Variants in CCNT1 observed in about 807,000 individuals in gnomAD.
CCNT1 encodes the protein cyclin-T1.
Under a neutral mutation model 67.3 loss-of-function variants are expected in CCNT1, and 18 were observed. The ratio of observed to expected loss-of-function variants is 0.27; its 90% CI spans 0.18 to 0.40. The LOEUF is 0.40. CCNT1 is among the 10% of genes least tolerant of loss of function. The pLI, the probability that CCNT1 is intolerant of heterozygous loss-of-function variation, is 1.00. For missense variants in CCNT1, 744 were observed against 884.9 expected (o/e 0.84, Z 2.02); for synonymous variants, 333 against 310.3 (o/e 1.07, Z -0.77).
Position 48,693,769 on chromosome 12 carries a change from A to G in CCNT1, c.1445T>C (p.Met482Thr). 1 of 1,614,054 alleles carries G rather than the reference A, an allele frequency of 6.2e-7. No homozygotes were observed. The highest frequency in any genetic ancestry group is 8.5e-7 in the Non-Finnish European group (1 of 1,180,030). Reference protein sequence around the residue: ...AASSKPEEIKMRIKVHAAADK... With the variant: ...AASSKPEEIKTRIKVHAAADK... ...AGCTGCAGCATGGACTTTTATGCGC[A>G]TTTTTATCTCCTCTGGTTTTGAAGA... Residue 482 changes from methionine to threonine, a missense_variant, in exon 9 of 9, where the codon ATG becomes ACG. Met to Thr is a moderately conservative substitution (Grantham distance 81, BLOSUM62 -1). Transcript: ENST00000261900.
At chr12:48,705,920 T>C (rs765647631) in intron 2 of CCNT1, 24 bp from the exon 3 acceptor site, 24 of 1,596,194 alleles carry the variant, frequency 1.5e-5, no homozygotes, top group Non-Finnish European at 2.0e-5. Flanking sequence ...AAATAAATCA[T>C]ATTTATTATC....
At chr12:48,698,287 G>A in intron 5 of CCNT1, 104 bp from the exon 6 acceptor site, 1 of 763,310 alleles carries the variant, frequency 1.3e-6, no homozygotes, top group East Asian at 2.7e-5. Context: ...GCAAGGTACT[G>A]TGAATATAGT....
At position 48,693,818 on chromosome 12, in the gene CCNT1, C is replaced by T; in HGVS notation, c.1396G>A (p.Val466Met). ...GACGCAGCTTTATCTCCACCTGCCA[C>T]TGGGATTCTCATTTTGAGAGCTGTT... ...DKTALKMRIP[V>M]AGGDKAASSK... The change falls in exon 9 of 9, where the codon GTG becomes ATG. Residue 466 changes from valine (V) to methionine (M), a missense_variant. By Grantham distance (21) the Val-to-Met change is conservative (BLOSUM62 1). Around this residue, in one of 3 missense-constraint regions of CCNT1, gnomAD observed 564 missense variants for 574.2 expected, o/e 0.98. Transcript: ENST00000261900. The T allele has an allele frequency of 6.2e-7, 1 of 1,614,168 alleles. No homozygotes were observed.
At chr12:48,701,444 T>G (rs1381313111) in intron 3 of CCNT1, among the ~76,000 whole-genome samples, 2 of 151,702 alleles carry the variant, frequency 1.3e-5, no homozygotes, top group Non-Finnish European at 2.9e-5. Flanking sequence ...GTACACATTT[T>G]CTTTAAAAAA....
intron 6 of CCNT1, among the ~76,000 whole-genome samples, chr12:48,697,773 T>G (rs1291349406): frequency 6.9e-6 from 1 of 145,380 alleles, no homozygotes; most frequent in Non-Finnish European, 1.5e-5. Context: ...GAGCTGATAT[T>G]GTGCCACTGC....
chr12:48,700,263 G>A (rs1940243114), intron 4 of CCNT1, among the ~76,000 whole-genome samples: 1 of 148,762 alleles, frequency 6.7e-6, no homozygotes, highest in Non-Finnish European at 1.5e-5. Context: ...AGGTTGCAAT[G>A]AGCCAAGATT....
At chr12:48,695,708 C>A (rs1333316653) in intron 8 of CCNT1, 51 bp downstream of exon 8, 2 of 1,213,410 alleles carry the variant, frequency 1.6e-6, no homozygotes, top group Non-Finnish European at 2.4e-6. Context: ...TTCACTGGTG[C>A]AGTCAAAAGA....
chr12:48,693,546 A>T lies in CCNT1; in HGVS notation c.1668T>A (p.His556Gln). 1 of 1,614,106 alleles carries T rather than the reference A, an allele frequency of 6.2e-7. No homozygotes were observed. The change falls in exon 9 of 9, where the codon CAT becomes CAA. Residue 556 changes from histidine (H) to glutamine (Q), a missense_variant. Around this residue, in one of 3 missense-constraint regions of CCNT1, gnomAD observed 564 missense variants for 574.2 expected, o/e 0.98. Coordinates refer to ENST00000261900, the MANE Select transcript of CCNT1 (RefSeq NM_001240.4). ...AAGAACTAGACAAGCTATAGGTTTT[A>T]TGTGCTAAGTTGCTTGTCTGGCTAC... is the stretch of plus-strand genomic sequence containing the variant. ...KHSSQTSNLA[H>Q]KTYSLSSSFS...
chr12:48,708,787 A>G (rs952592020), intron 2 of CCNT1, among the ~76,000 whole-genome samples: 7 of 152,198 alleles, frequency 4.6e-5, no homozygotes, highest in Non-Finnish European at 8.8e-5. Flanking sequence ...AGGAGAGGGA[A>G]AAAATGGTAA....
Position 48,693,745 on chromosome 12 carries a change from G to A in CCNT1, c.1469C>T (p.Ala490Val), listed in dbSNP as rs558225201. ...IKMRIKVHAA[A>V]DKHNSVEDSV... is the part of the protein sequence containing the mutation. The stretch of plus-strand genomic sequence containing the variant: ...GTCCTCTACAGAATTGTGCTTATCA[G>A]CTGCAGCATGGACTTTTATGCGCAT... The change falls in exon 9 of 9, where the codon GCT (alanine) becomes GTT (valine). Residue 490 changes from alanine (A) to valine (V), a missense_variant. By Grantham distance (64) the Ala-to-Val change is moderately conservative (BLOSUM62 0). Around this residue, in one of 3 missense-constraint regions of CCNT1, gnomAD observed 564 missense variants for 574.2 expected, o/e 0.98. Coordinates refer to ENST00000261900, the MANE Select transcript of CCNT1 (RefSeq NM_001240.4). The A allele has an allele frequency of 1.9e-6, 3 of 1,614,114 alleles. No individual in the cohort carries two copies. In the East Asian group the frequency reaches 6.7e-5, roughly 36 times the overall value.
At chr12:48,702,047 C>T (rs1940279440) in intron 3 of CCNT1, among the ~76,000 whole-genome samples, 1 of 151,976 alleles carries the variant, frequency 6.6e-6, no homozygotes, top group African/African-American at 2.4e-5. Flanking sequence ...CAGGAGCCCA[C>T]CACCACGCCC....
intron 3 of CCNT1, among the ~76,000 whole-genome samples, chr12:48,703,436 A>G (rs937803439): frequency 6.6e-6 from 1 of 151,890 alleles, no homozygotes; most frequent in African/African-American, 2.4e-5. Flanking sequence ...AGCCGGGTGT[A>G]GTGGCACATG....
intron 5 of CCNT1, among the ~76,000 whole-genome samples, chr12:48,699,052 A>T (rs1940225701): frequency 6.6e-6 from 1 of 152,208 alleles, no homozygotes; most frequent in African/African-American, 2.4e-5. Context: ...ACAATGAAAA[A>T]ATTTAACTTC....
rs766325435 is a variant in CCNT1, at chr12:48,694,079, T to A, written c.1135A>T (p.Ser379Cys). The stretch of plus-strand genomic sequence containing the variant: ...ACTTTAGCTGATGGCACACTCTTAC[T>A]ATTCTGCTTCTGGGAAATAAATGCA... ...SNAFISQKQN[S>C]KSVPSAKVSL... Residue 379 changes from serine to cysteine, a missense_variant, in exon 9 of 9, where the codon AGT (serine) becomes TGT (cysteine). Around this residue, in one of 3 missense-constraint regions of CCNT1, gnomAD observed 564 missense variants for 574.2 expected, o/e 0.98. Coordinates refer to ENST00000261900, the MANE Select transcript of CCNT1 (RefSeq NM_001240.4). 2 of 1,614,228 alleles carry A rather than the reference T, an allele frequency of 1.2e-6. No individual in the cohort carries two copies. The highest frequency in any genetic ancestry group is 1.7e-6 in the Non-Finnish European group (2 of 1,180,034).
intron 2 of CCNT1, among the ~76,000 whole-genome samples, chr12:48,706,470 A>G (rs1433864636): frequency 1.3e-5 from 2 of 152,258 alleles, no homozygotes; most frequent in East Asian, 3.8e-4. Flanking sequence ...TTACTTATAC[A>G]TATCGAACCT....
At position 48,691,825 on chromosome 12, in the gene CCNT1, A is replaced by G. The variant is rs1747712056; in HGVS notation, c.*1208T>C. 6.6e-6 allele frequency: 1 copy of G among 152,230 alleles called. No homozygotes were observed. Among genetic ancestry groups the G allele is most frequent in the East Asian group, 1.9e-4 (1 of 5,206 alleles). 9.4% of individuals were successfully genotyped at this position (152,230 alleles called of 1,614,324 possible). A position where few individuals can be genotyped will look rare whatever the true frequency, so the allele number is the denominator to read the frequency against. On this transcript the variant is annotated 3_prime_UTR_variant, in exon 9 of 9. Transcript: ENST00000261900. ...GCTGTTTCCCTTCGGATATACACAT[A>G]AAAAGCATGTCTTACATTTATAATG...
intron 3 of CCNT1, chr12:48,705,557 T>A: frequency 1.9e-6 from 1 of 531,218 alleles, no homozygotes; most frequent in Non-Finnish European, 3.3e-6. Flanking sequence ...ACAGGTATGG[T>A]GAGCCACCAT....
At chr12:48,710,201 T>C (rs1184214062) in intron 2 of CCNT1, among the ~76,000 whole-genome samples, 1 of 152,034 alleles carries the variant, frequency 6.6e-6, no homozygotes, top group Non-Finnish European at 1.5e-5. Context: ...CTCTAATACC[T>C]TTGTAATAAG....
At chr12:48,706,443 C>T (rs959315292) in intron 2 of CCNT1, among the ~76,000 whole-genome samples, 4 of 152,016 alleles carry the variant, frequency 2.6e-5, no homozygotes, top group Non-Finnish European at 5.9e-5. Flanking sequence ...TTTCATTGTA[C>T]GTGAATTATA....
Sources: allele counts gnomAD v4.1 joint callset (sites outside exome capture counted in the v4.1 genomes callset), GRCh38; gene constraint gnomAD v4.1.1; regional missense constraint gnomAD v4.1.1; transcripts MANE v1.5; gene names NCBI Gene and HGNC (gene_info 2026-07-23, HGNC 2026-07-21).